HCRTR2: variants seen among roughly 807,000 people sequenced by gnomAD.
HCRTR2 encodes the protein hypocretin receptor 2.
Under a neutral mutation model 49.0 loss-of-function variants are expected in HCRTR2, and 22 were observed. The ratio of observed to expected loss-of-function variants is 0.45; its 90% CI spans 0.32 to 0.64. HCRTR2 has a LOEUF of 0.64. Ranked by LOEUF, HCRTR2 falls within the 30% of genes least tolerant of loss-of-function variation. The probability of loss-of-function intolerance (pLI) is 0.04; values close to 1 mark genes in which losing one functional copy is unlikely to be tolerated. For missense variants in HCRTR2, 491 were observed against 559.4 expected (o/e 0.88, Z 1.23); for synonymous variants, 236 against 205.3 (o/e 1.15, Z -1.28).
chr6:55,250,557 G>A (rs1274186652), intron 2 of HCRTR2, among the ~76,000 whole-genome samples: 1 of 152,146 alleles, frequency 6.6e-6, no homozygotes, highest in East Asian at 1.9e-4. Flanking sequence ...CTGGTGGGAA[G>A]TGAAGTGATA....
chr6:55,156,881 T>C (rs999505790), intron 1 of HCRTR2, among the ~76,000 whole-genome samples: 1 of 152,088 alleles, frequency 6.6e-6, no homozygotes, highest in Non-Finnish European at 1.5e-5. Flanking sequence ...AGAAGGGAAC[T>C]TCCTCAACTT....
chr6:55,189,259 G>A (rs1765275871), intron 1 of HCRTR2, among the ~76,000 whole-genome samples: 1 of 152,078 alleles, frequency 6.6e-6, no homozygotes, highest in South Asian at 2.1e-4. Flanking sequence ...AGATTAATTT[G>A]GCTTAATGGT....
intron 1 of HCRTR2, among the ~76,000 whole-genome samples, chr6:55,141,770 AT>A (rs879464181): frequency 1.3e-5 from 2 of 152,212 alleles, no homozygotes; most frequent in Non-Finnish European, 2.9e-5. Flanking sequence ...TAAAAAGGGT[AT>A]TTTTAACAGA....
At chr6:55,282,020 G>A (rs1267166043) in intron 6 of HCRTR2, among the ~76,000 whole-genome samples, 2 of 152,036 alleles carry the variant, frequency 1.3e-5, no homozygotes, top group East Asian at 3.9e-4. Context: ...AGGCAGCCTC[G>A]TTATTTTATG....
At chr6:55,195,263 A>G (rs2127280597) in intron 1 of HCRTR2, among the ~76,000 whole-genome samples, 1 of 152,306 alleles carries the variant, frequency 6.6e-6, no homozygotes, top group Middle Eastern at 3.4e-3. Flanking sequence ...AAAATAATAA[A>G]CTGAAAGAAG....
chr6:55,152,479 A>T (rs1315877841), intron 1 of HCRTR2, among the ~76,000 whole-genome samples: 3 of 151,570 alleles, frequency 2.0e-5, no homozygotes, highest in African/African-American at 7.3e-5. Context: ...TATATTTTGG[A>T]TATTAACTCT....
intron 4 of HCRTR2, among the ~76,000 whole-genome samples, chr6:55,271,182 T>C (rs1480252189): frequency 1.3e-5 from 2 of 152,120 alleles, no homozygotes; most frequent in African/African-American, 4.8e-5. Flanking sequence ...GTGTGGTACT[T>C]CCATACAGTT....
Position 55,183,703 on chromosome 6 carries a change from AAAAC to A in HCRTR2, c.223+8906_223+8909del, listed in dbSNP as rs372175086. Among the ~76,000 whole-genome samples, 406 of 152,310 alleles carry A rather than the reference AAAAC, an allele frequency of 2.7e-3. 1 individual carries two copies. The highest frequency in any genetic ancestry group is 9.3e-3 in the African/African-American group (385 of 41,564). The stretch of plus-strand genomic sequence containing the variant: ...TTTTGGCAATAAGCTTGTTTTAATG[AAAAC>A]AAACAAACAAACTGACAATAAAGAA... On this transcript the variant is annotated intron_variant, in intron 1 of 6. Transcript: ENST00000370862.
intron 1 of HCRTR2, among the ~76,000 whole-genome samples, chr6:55,129,214 C>T (rs1345046788): frequency 6.6e-6 from 1 of 152,060 alleles, no homozygotes; most frequent in Admixed American, 6.6e-5. Context: ...CCAGCTCAAA[C>T]CTTGTTCTAA....
chr6:55,251,016 C>T (rs1766539935), intron 2 of HCRTR2, among the ~76,000 whole-genome samples: 1 of 152,122 alleles, frequency 6.6e-6, no homozygotes, highest in Non-Finnish European at 1.5e-5. Context: ...TTTATTGCCT[C>T]ATTTTTCATA....
rs1471819050 is a variant in HCRTR2, at chr6:55,233,104, T to C, written c.224-15535T>C. 9.2e-5 allele frequency among the ~76,000 whole-genome samples: 14 copies of C among 151,924 alleles called. 1 individual carries two copies. Among genetic ancestry groups the C allele is most frequent in the Non-Finnish European group, 5.9e-5 (4 of 67,974 alleles). On this transcript the variant is annotated intron_variant, in intron 1 of 6. Coordinates refer to ENST00000370862, the MANE Select transcript of HCRTR2 (RefSeq NM_001384272.1). ...AAAATGAATAAAGCTGCTTTTTTTT[T>C]TTTTGATGGTGTCTTGCTCTGTTGC...
chr6:55,131,076 T>C (rs1764349395), intron 1 of HCRTR2, among the ~76,000 whole-genome samples: 1 of 151,856 alleles, frequency 6.6e-6, no homozygotes, highest in African/African-American at 2.4e-5. Flanking sequence ...ACTAGCACTA[T>C]ACTTCTAATC....
chr6:55,257,974 T>TA (rs1355096682), intron 3 of HCRTR2, among the ~76,000 whole-genome samples: 2 of 152,096 alleles, frequency 1.3e-5, no homozygotes, highest in Admixed American at 1.3e-4. Context: ...GGCAGATTTT[T>TA]ATCTTTCTTA....
chr6:55,231,177 A>G (rs1766107520), intron 1 of HCRTR2, among the ~76,000 whole-genome samples: 1 of 152,184 alleles, frequency 6.6e-6, no homozygotes, highest in South Asian at 2.1e-4. Flanking sequence ...AATGAAATTT[A>G]TACATAACAC....
chr6:55,188,426 A>T (rs1765261732), intron 1 of HCRTR2, among the ~76,000 whole-genome samples: 1 of 152,218 alleles, frequency 6.6e-6, no homozygotes, highest in Admixed American at 6.5e-5. Flanking sequence ...TAATAGAAAT[A>T]TATGCAGATT....
chr6:55,164,467 C>A (rs1764848683), intron 1 of HCRTR2, among the ~76,000 whole-genome samples: 1 of 152,240 alleles, frequency 6.6e-6, no homozygotes, highest in African/African-American at 2.4e-5. Flanking sequence ...AGTTCATGTC[C>A]TTTGCAGTGA....
chr6:55,115,070 A>G (rs946549651), intron 1 of HCRTR2, among the ~76,000 whole-genome samples: 3 of 151,782 alleles, frequency 2.0e-5, no homozygotes, highest in African/African-American at 4.8e-5. Context: ...GAATTTTCCA[A>G]TAGTGTTTGC....
At chr6:55,194,941 T>G (rs902187249) in intron 1 of HCRTR2, among the ~76,000 whole-genome samples, 1 of 152,038 alleles carries the variant, frequency 6.6e-6, no homozygotes, top group Admixed American at 6.6e-5. Context: ...CAAAATTAGA[T>G]TAAAAAACAA....
chr6:55,128,747 A>G (rs996980250), intron 1 of HCRTR2, among the ~76,000 whole-genome samples: 14 of 152,150 alleles, frequency 9.2e-5, no homozygotes, highest in Admixed American at 5.9e-4. Context: ...TATTTTACAG[A>G]CATTTTAGGT....
Sources: gnomAD v4.1 joint callset for allele counts (sites outside exome capture counted in the v4.1 genomes callset) on GRCh38, gnomAD v4.1.1 for gene constraint, MANE v1.5 for transcripts, NCBI Gene and HGNC (gene_info 2026-07-23, HGNC 2026-07-21) for gene names.